Variants in DTL observed in about 807,000 individuals in gnomAD.
DTL encodes denticleless protein homolog.
Under a neutral mutation model 87.0 loss-of-function variants are expected in DTL, and 46 were observed. That is an observed-to-expected ratio of 0.53 (90% CI 0.42 to 0.68). The LOEUF is 0.68. Among genes scored for constraint, DTL ranks in the 30% least tolerant of loss-of-function variants. The probability of loss-of-function intolerance (pLI) is 0.00; values close to 1 mark genes in which losing one functional copy is unlikely to be tolerated. For synonymous variants in DTL, 308 were observed against 311.2 expected (o/e 0.99, Z 0.11); for missense variants, 737 against 869.4 (o/e 0.85, Z 1.91).
At chr1:212,040,116 A>G (rs1023612928) in intron 1 of DTL, among the ~76,000 whole-genome samples, 1 of 152,230 alleles carries the variant, frequency 6.6e-6, no homozygotes, top group Non-Finnish European at 1.5e-5. Flanking sequence ...GCACAGACAC[A>G]TTGTATAATT....
chr1:212,081,617 T>C (rs1654992879), intron 13 of DTL, among the ~76,000 whole-genome samples: 1 of 152,220 alleles, frequency 6.6e-6, no homozygotes, highest in South Asian at 2.1e-4. Flanking sequence ...GAAGTGATGA[T>C]GGTGACTTAG....
At chr1:212,090,202 T>G (rs1655242880) in intron 13 of DTL, among the ~76,000 whole-genome samples, 1 of 152,196 alleles carries the variant, frequency 6.6e-6, no homozygotes, top group African/African-American at 2.4e-5. Context: ...TTTTGGCTGG[T>G]TCTAAACATA....
intron 13 of DTL, 69 bp downstream of exon 13, chr1:212,080,819 A>G (rs1654970171): frequency 6.7e-7 from 1 of 1,501,934 alleles, no homozygotes; most frequent in African/African-American, 1.4e-5. Context: ...ACAGAGTAAT[A>G]AGCTAGATTT....
chr1:212,079,213 C>A, intron 12 of DTL, among the ~76,000 whole-genome samples: 1 of 151,590 alleles, frequency 6.6e-6, no homozygotes, highest in Non-Finnish European at 1.5e-5. Context: ...GATATTTTTT[C>A]CTCTGAGATT....
chr1:212,098,932 C>T (rs114542755), intron 13 of DTL, among the ~76,000 whole-genome samples: 274 of 152,184 alleles, frequency 1.8e-3, no homozygotes, highest in African/African-American at 6.3e-3. Flanking sequence ...GCAGATTCTG[C>T]CCAGGAAAAT....
intron 12 of DTL, among the ~76,000 whole-genome samples, chr1:212,078,561 A>G (rs910674731): frequency 6.6e-6 from 1 of 152,196 alleles, no homozygotes; most frequent in African/African-American, 2.4e-5. Context: ...AAAATCTAAG[A>G]TAAAAATACA....
chr1:212,043,027 G>T lies in DTL; in HGVS notation c.87G>T (p.Leu29=), dbSNP rs144020812. The part of the protein sequence containing the change: ...WSSQYPLQSL[L]TGYQCSGNDE... ...CACAATACCCTCTTCAATCCCTTCT[G>T]ACTGGTTATCAGTGCAGTGGTAATG... The change falls in exon 2 of 15, where the codon CTG becomes CTT. Residue 29 remains leucine (L), a synonymous_variant. Transcript: ENST00000366991. 1 of 1,612,700 alleles carries T rather than the reference G, an allele frequency of 6.2e-7. No individual in the cohort carries two copies. Among genetic ancestry groups the T allele is most frequent in the South Asian group, 1.1e-5 (1 of 90,812 alleles).
At chr1:212,054,389 A>C (rs1400220400) in intron 5 of DTL, among the ~76,000 whole-genome samples, 1 of 151,218 alleles carries the variant, frequency 6.6e-6, no homozygotes, top group Non-Finnish European at 1.5e-5. Context: ...GGCTGTCCTC[A>C]AGGTAAAACC....
At chr1:212,086,428 T>C (rs1332366398) in intron 13 of DTL, among the ~76,000 whole-genome samples, 1 of 152,250 alleles carries the variant, frequency 6.6e-6, no homozygotes, top group Non-Finnish European at 1.5e-5. Flanking sequence ...GTTTTTCCCT[T>C]ATACATAGAG....
rs1209307284 is a variant in DTL at position 212,100,371 on chromosome 1, C to G, written c.1381C>G (p.Pro461Ala). ...AAGCTGTGCTGGAGACCTCCCTCTTCCTTCAAATACTCCTACGTTCTCTAT... is the reference window on the plus strand; with the variant it reads ...AAGCTGTGCTGGAGACCTCCCTCTTGCTTCAAATACTCCTACGTTCTCTAT... ...APSCAGDLPL[P>A]SNTPTFSIKT... Residue 461 changes from proline to alanine, a missense_variant, in exon 14 of 15, where the codon CCT becomes GCT. Pro to Ala is a conservative substitution (Grantham distance 27, BLOSUM62 -1). Coordinates refer to ENST00000366991, the MANE Select transcript of DTL (RefSeq NM_016448.4). 1 of 1,613,966 alleles carries G rather than the reference C, an allele frequency of 6.2e-7. No homozygotes were observed. The highest frequency in any genetic ancestry group is 1.1e-5 in the South Asian group (1 of 91,078).
intron 5 of DTL, among the ~76,000 whole-genome samples, chr1:212,048,294 A>G (rs961871553): frequency 6.6e-6 from 1 of 151,974 alleles, no homozygotes; most frequent in Non-Finnish European, 1.5e-5. Flanking sequence ...GGTTCAAGCA[A>G]TCCTCTCCCT....
In DTL at chr1:212,104,317, T is replaced by A. The variant is rs560562429; in HGVS notation, c.*1377T>A. ...TCTGACAACTTTTTAATTCCTTTGA[T>A]CTTATAAGTTAAAGCTGTAACAACT... On this transcript the variant is annotated 3_prime_UTR_variant, in exon 15 of 15. Coordinates refer to ENST00000366991, the MANE Select transcript of DTL (RefSeq NM_016448.4). 13 of 151,908 alleles carry A rather than the reference T, an allele frequency of 8.6e-5. No individual in the cohort carries two copies. In the East Asian group the frequency reaches 2.1e-3, roughly 25 times the overall value. 9.4% of individuals were successfully genotyped at this position (151,908 alleles called of 1,614,324 possible). A position where few individuals can be genotyped will look rare whatever the true frequency, so the allele number is the denominator to read the frequency against.
chr1:212,039,470 G>A (rs1667576424), intron 1 of DTL, among the ~76,000 whole-genome samples: 1 of 152,188 alleles, frequency 6.6e-6, no homozygotes, highest in African/African-American at 2.4e-5. Flanking sequence ...TAAAGTGGAA[G>A]AAAGGAAGTG....
chr1:212,056,540 T>TA (rs1668184361), intron 5 of DTL, among the ~76,000 whole-genome samples: 1 of 152,138 alleles, frequency 6.6e-6, no homozygotes, highest in Non-Finnish European at 1.5e-5. Flanking sequence ...AAGCAACTGT[T>TA]ACACCAGGTG....
intron 13 of DTL, among the ~76,000 whole-genome samples, 199 bp from the exon 14 acceptor site, chr1:212,100,053 G>A (rs1369552478): frequency 6.6e-6 from 1 of 152,070 alleles, no homozygotes; most frequent in Admixed American, 6.5e-5. Context: ...ATTTTATAAT[G>A]GGATAGTTGG....
At position 212,060,274 on chromosome 1, in the gene DTL, A is replaced by G. The variant is rs114023604; in HGVS notation, c.461-2610A>G. ...AACTAAAACAGCATGGCATAAAAAC[A>G]GACACAGAGACCAATGGAACAGAAT... On this transcript the variant is annotated intron_variant, in intron 5 of 14. Coordinates refer to ENST00000366991, the MANE Select transcript of DTL (RefSeq NM_016448.4). 8.6e-3 allele frequency among the ~76,000 whole-genome samples: 1,306 copies of G among 152,312 alleles called. 19 individuals are homozygous for G. Among genetic ancestry groups the G allele is most frequent in the African/African-American group, 0.03 (1,251 of 41,556 alleles).
intron 5 of DTL, among the ~76,000 whole-genome samples, chr1:212,061,390 A>C (rs903882131): frequency 6.6e-5 from 10 of 152,084 alleles, no homozygotes; most frequent in African/African-American, 2.4e-4. Flanking sequence ...TAGAATGGCT[A>C]TTATTAAACA....
In DTL at chr1:212,044,710, C is replaced by A. The variant is rs144767115; in HGVS notation, c.229C>A (p.Arg77=). 6.2e-7 allele frequency: 1 copy of A among 1,612,924 alleles called. No individual in the cohort carries two copies. The highest frequency in any genetic ancestry group is 8.5e-7 in the Non-Finnish European group (1 of 1,179,388). ...AGTTGCCAATGAAGAAGGCTTTGTT[C>A]GATTGTATAACACAGAATCACAAAG... The part of the protein sequence containing the change: ...LAVANEEGFV[R]LYNTESQSFR... Residue 77 remains arginine (R), a synonymous_variant, in exon 3 of 15, where the codon CGA becomes AGA. Transcript: ENST00000366991.
intron 13 of DTL, among the ~76,000 whole-genome samples, chr1:212,089,556 T>C (rs906718022): frequency 1.3e-5 from 2 of 152,224 alleles, no homozygotes; most frequent in African/African-American, 4.8e-5. Flanking sequence ...GTTTCCACCC[T>C]CTTCCCCTCT....
Sources: gnomAD v4.1 joint callset for allele counts (sites outside exome capture counted in the v4.1 genomes callset) on GRCh38, gnomAD v4.1.1 for gene constraint, MANE v1.5 for transcripts, NCBI Gene and HGNC (gene_info 2026-07-23, HGNC 2026-07-21) for gene names.